The following RPS6KA5 variants were observed in gnomAD, a reference collection of about 807,000 sequenced individuals.
RPS6KA5 encodes the protein ribosomal protein S6 kinase A5.
Under a neutral mutation model 85.5 loss-of-function variants are expected in RPS6KA5, and 27 were observed. That is an observed-to-expected ratio of 0.32 (90% confidence interval 0.23 to 0.44). The LOEUF (loss-of-function observed/expected upper bound fraction) is 0.44, where lower values mean the gene tolerates loss of function less well. Among genes scored for constraint, RPS6KA5 ranks in the 20% least tolerant of loss-of-function variants. The pLI is 1.00. For synonymous variants in RPS6KA5, 334 were observed against 348.2 expected, an observed-to-expected ratio of 0.96 and a Z score of 0.46; for missense variants, 811 against 980.9, an observed-to-expected ratio of 0.83 and a Z score of 2.31.
At chr14:90,996,566 T>G (rs908222835) in intron 2 of RPS6KA5, among the ~76,000 whole-genome samples, 8 of 152,150 alleles carry the variant, frequency 5.3e-5, no homozygotes, top group Admixed American at 2.0e-4. Context: ...GAGATAACGT[T>G]TTCTTTTAAA....
intron 12 of RPS6KA5, among the ~76,000 whole-genome samples, chr14:90,895,601 C>T (rs560688422): frequency 6.6e-6 from 1 of 151,994 alleles, no homozygotes; most frequent in Non-Finnish European, 1.5e-5. Context: ...AAAAATAATA[C>T]AGGAATTATC....
Position 90,885,760 on chromosome 14 carries a change from A to G in RPS6KA5, c.1836+4727T>C, listed in dbSNP as rs1291661186. On this transcript the variant is annotated intron_variant, in intron 14 of 16. Transcript: ENST00000614987. The stretch of plus-strand genomic sequence containing the variant: ...CCATCTCAAAAAAAAAAAAAAAAAA[A>G]AAAAAAAAAAAAAGAAAAAAGAAAA... Among the ~76,000 whole-genome samples, 40 of 144,128 alleles carry G rather than the reference A, an allele frequency of 2.8e-4. No individual in the cohort carries two copies. In the South Asian group the frequency reaches 3.1e-3, roughly 11 times the overall value. The allele number at this position is 144,128 out of a possible 152,430, so 94.6% of individuals were successfully genotyped here. A position where few individuals can be genotyped will look rare whatever the true frequency, so the allele number is the denominator to read the frequency against.
intron 3 of RPS6KA5, among the ~76,000 whole-genome samples, chr14:90,974,783 T>G (rs1156874442): frequency 6.6e-6 from 1 of 152,184 alleles, no homozygotes; most frequent in East Asian, 1.9e-4. Context: ...ACCAGGTGAG[T>G]GAGCCCAGGC....
intron 3 of RPS6KA5, among the ~76,000 whole-genome samples, chr14:90,966,128 C>T (rs776571419): frequency 2.0e-5 from 3 of 152,110 alleles, no homozygotes; most frequent in Admixed American, 6.6e-5. Flanking sequence ...AGGGAAACTA[C>T]GTCTGATGAA....
chr14:90,894,403 GATTTT>G lies in RPS6KA5; in HGVS notation c.1644+5_1644+9del, dbSNP rs759404177. 2 of 1,612,134 alleles carry G rather than the reference GATTTT, an allele frequency of 1.2e-6. No homozygotes were observed. Among genetic ancestry groups the G allele is most frequent in the Non-Finnish European group, 1.7e-6 (2 of 1,178,728 alleles). On this transcript the variant is annotated splice_donor_5th_base_variant and intron_variant, in intron 13 of 16. Transcript: ENST00000614987. ...GACTGAATTACGTAAGAGATCCAGT[GATTTT>G]ATACCTCAGGTTTCAGATCCCTGTG...
At chr14:90,935,019 T>C (rs1466867966) in intron 5 of RPS6KA5, among the ~76,000 whole-genome samples, 3 of 152,204 alleles carry the variant, frequency 2.0e-5, no homozygotes, top group Non-Finnish European at 2.9e-5. Flanking sequence ...AAATGACTGA[T>C]AGAGCTTATT....
intron 6 of RPS6KA5, among the ~76,000 whole-genome samples, chr14:90,920,840 T>C (rs1161315598): frequency 6.6e-6 from 1 of 152,010 alleles, no homozygotes; most frequent in Non-Finnish European, 1.5e-5. Context: ...GGAAACCAAT[T>C]TATACATGCA....
chr14:90,961,945 T>C (rs2038818819), intron 3 of RPS6KA5, among the ~76,000 whole-genome samples: 1 of 152,248 alleles, frequency 6.6e-6, no homozygotes, highest in Non-Finnish European at 1.5e-5. Flanking sequence ...ATAGAAGAGC[T>C]ACATTCATGG....
At chr14:91,001,195 G>A (rs1467926842) in intron 1 of RPS6KA5, 36 bp from the exon 2 acceptor site, 2 of 1,383,932 alleles carry the variant, frequency 1.4e-6, no homozygotes, top group South Asian at 2.5e-5. Flanking sequence ...AAACAAGAGG[G>A]TCAGCAATAG....
chr14:90,973,203 G>A (rs2039402473), intron 3 of RPS6KA5, among the ~76,000 whole-genome samples: 1 of 152,226 alleles, frequency 6.6e-6, no homozygotes, highest in African/African-American at 2.4e-5. Context: ...CACTTTTGGA[G>A]GCCGAGGTGG....
rs760090253 is a variant in RPS6KA5 at position 90,863,517 on chromosome 14, G to C, written c.*8557C>G. 1 of 151,492 alleles carries C rather than the reference G, an allele frequency of 6.6e-6. No individual in the cohort carries two copies. The highest frequency in any genetic ancestry group is 2.4e-5 in the African/African-American group (1 of 41,324). 9.4% of individuals were successfully genotyped at this position (151,492 alleles called of 1,614,324 possible). A position where few individuals can be genotyped will look rare whatever the true frequency, so the allele number is the denominator to read the frequency against. On this transcript the variant is annotated 3_prime_UTR_variant, in exon 17 of 17. Coordinates refer to ENST00000614987, the MANE Select transcript of RPS6KA5 (RefSeq NM_004755.4). The stretch of plus-strand genomic sequence containing the variant: ...AGAAATGAAACTGTCATTATTTACA[G>C]ACGATATAACTGTAGACTTAAAGAA...
At chr14:90,964,285 A>T (rs979983347) in intron 3 of RPS6KA5, among the ~76,000 whole-genome samples, 1 of 152,280 alleles carries the variant, frequency 6.6e-6, no homozygotes. Flanking sequence ...TTATTCCCTG[A>T]GCCTCAGATA....
At chr14:90,887,478 T>G (rs2034298497) in intron 14 of RPS6KA5, among the ~76,000 whole-genome samples, 1 of 152,018 alleles carries the variant, frequency 6.6e-6, no homozygotes, top group African/African-American at 2.4e-5. Context: ...ACTGTGTCTG[T>G]CCATAAAAGG....
rs910777424 is a variant in RPS6KA5 at position 90,950,312 on chromosome 14, G to A, written c.395-2762C>T. ...CTGCTGAACTTATATATTAGTTCGAGTAGTTTCTGAGTAGATTCCTTAGGA... is the reference window on the plus strand; with the variant it reads ...CTGCTGAACTTATATATTAGTTCGAATAGTTTCTGAGTAGATTCCTTAGGA... On this transcript the variant is annotated intron_variant, in intron 3 of 16. Coordinates refer to ENST00000614987, the MANE Select transcript of RPS6KA5 (RefSeq NM_004755.4). 5.3e-5 allele frequency among the ~76,000 whole-genome samples: 8 copies of A among 152,144 alleles called. 1 individual carries two copies. The South Asian group carries it at 1.7e-3, about 32-fold the overall frequency.
intron 1 of RPS6KA5, among the ~76,000 whole-genome samples, chr14:91,006,925 A>G (rs1458660348): frequency 2.0e-5 from 3 of 152,314 alleles, no homozygotes; most frequent in Non-Finnish European, 4.4e-5. Context: ...TTATAATTAG[A>G]TGTAGTTGGA....
In RPS6KA5 at chr14:90,875,213, C is replaced by A. The variant is rs779496203; in HGVS notation, c.1984G>T (p.Asp662Tyr). Reference protein sequence around the residue: ...AWKNVSQEAKDLIQGLLTVDP... With the variant: ...AWKNVSQEAKYLIQGLLTVDP... ...ATTAGATTCTTACCTTGGATCAAAT[C>A]TTTAGCCTCTTGGGATACATTCTTC... Residue 662 changes from aspartate (D) to tyrosine (Y), a missense_variant, in exon 15 of 17, where the codon GAT (aspartate) becomes TAT (tyrosine). Asp to Tyr is a radical substitution (Grantham distance 160). This residue lies in a region of RPS6KA5 where 650 missense variants were observed against 793.4 expected (regional missense o/e 0.82). Coordinates refer to ENST00000614987, the MANE Select transcript of RPS6KA5 (RefSeq NM_004755.4). 1.2e-5 allele frequency: 20 copies of A among 1,612,854 alleles called. No homozygotes were observed. In the Admixed American group the frequency reaches 3.3e-4, roughly 27 times the overall value.
rs8016653 is a variant in RPS6KA5, at chr14:90,853,650, C to G, written c.*18424G>C. 3 of 139,364 alleles carry G rather than the reference C, an allele frequency of 2.2e-5. No individual in the cohort carries two copies. The highest frequency in any genetic ancestry group is 5.1e-5 in the African/African-American group (2 of 38,932). 8.6% of individuals were successfully genotyped at this position (139,364 alleles called of 1,614,324 possible). A position where few individuals can be genotyped will look rare whatever the true frequency, so the allele number is the denominator to read the frequency against. ...ACCAGCCTGACCAACATGGTGAAACCCCATCTCTACTAAAAATACAAAAAA... is the reference window on the plus strand; with the variant it reads ...ACCAGCCTGACCAACATGGTGAAACGCCATCTCTACTAAAAATACAAAAAA... On this transcript the variant is annotated 3_prime_UTR_variant, in exon 17 of 17. Coordinates refer to ENST00000614987, the MANE Select transcript of RPS6KA5 (RefSeq NM_004755.4).
chr14:90,903,773 T>C (rs145812010), intron 8 of RPS6KA5, among the ~76,000 whole-genome samples: 160 of 152,290 alleles, frequency 1.1e-3, no homozygotes, highest in Non-Finnish European at 2.0e-3. Context: ...TAAGATGCCA[T>C]TACTGATAGT....
chr14:90,950,703 T>G (rs2038128284), intron 3 of RPS6KA5, among the ~76,000 whole-genome samples: 1 of 152,234 alleles, frequency 6.6e-6, no homozygotes, highest in South Asian at 2.1e-4. Flanking sequence ...GACTTTTGGT[T>G]GGTAAACCAA....
Sources: allele counts gnomAD v4.1 joint callset (sites outside exome capture counted in the v4.1 genomes callset), GRCh38; gene constraint gnomAD v4.1.1; regional missense constraint gnomAD v4.1.1; transcripts MANE v1.5; gene names NCBI Gene and HGNC (gene_info 2026-07-23, HGNC 2026-07-21).